Variants in TNKS observed in about 807,000 individuals in gnomAD.
TNKS encodes the protein tankyrase.
A neutral mutation model predicts 135.8 loss-of-function variants in TNKS; 72 were observed. The observed-to-expected ratio is 0.53, with a 90% CI of 0.44 to 0.64. The LOEUF (loss-of-function observed/expected upper bound fraction) is 0.64, where lower values mean the gene tolerates loss of function less well. Among genes scored for constraint, TNKS ranks in the 30% least tolerant of loss-of-function variants. The pLI, the probability that TNKS is intolerant of heterozygous loss-of-function variation, is 0.00. For synonymous variants in TNKS, 849 were observed against 649.3 expected, an observed-to-expected ratio of 1.31 and a Z score of -4.68; for missense variants, 1,769 against 1,674.0, an observed-to-expected ratio of 1.06 and a Z score of -0.99.
At chr8:9,569,751 G>A (rs1797689135) in intron 1 of TNKS, among the ~76,000 whole-genome samples, 2 of 152,224 alleles carry the variant, frequency 1.3e-5, no homozygotes, top group South Asian at 4.1e-4. Context: ...AAAGACAATT[G>A]GCATTCACTG....
intron 11 of TNKS, among the ~76,000 whole-genome samples, chr8:9,713,807 C>T (rs1585364301): frequency 1.3e-5 from 2 of 152,126 alleles, no homozygotes; most frequent in African/African-American, 4.8e-5. Flanking sequence ...TAAAAAACTC[C>T]CTGTAAGAAA....
chr8:9,666,307 A>C (rs1029885620), intron 3 of TNKS, among the ~76,000 whole-genome samples: 6 of 152,260 alleles, frequency 3.9e-5, no homozygotes, highest in Non-Finnish European at 7.3e-5. Context: ...GAAGTTTACA[A>C]TTACATAGGA....
At chr8:9,602,480 T>A (rs1367733454) in intron 2 of TNKS, among the ~76,000 whole-genome samples, 1 of 152,192 alleles carries the variant, frequency 6.6e-6, no homozygotes, top group Non-Finnish European at 1.5e-5. Flanking sequence ...CCTCTCTTGT[T>A]CCCAGGGTAT....
intron 1 of TNKS, among the ~76,000 whole-genome samples, chr8:9,572,265 A>G (rs1797782847): frequency 6.6e-6 from 1 of 152,210 alleles, no homozygotes; most frequent in Admixed American, 6.5e-5. Flanking sequence ...GTCTTTTCTC[A>G]TAGTTAAGGT....
At chr8:9,708,287 A>G (rs1804148696) in intron 8 of TNKS, 84 bp from the exon 9 acceptor site, 1 of 1,187,700 alleles carries the variant, frequency 8.4e-7, no homozygotes, top group Admixed American at 2.8e-5. Flanking sequence ...TAAAATAATA[A>G]TATTCCTACT....
intron 1 of TNKS, among the ~76,000 whole-genome samples, chr8:9,568,329 G>A (rs10101953): frequency 0.28 from 43,167 of 151,944 alleles, 6,458 homozygotes; most frequent in East Asian, 0.4. Flanking sequence ...CAAGATTATG[G>A]GAATGGAATG....
chr8:9,727,459 G>T (rs1375546651), intron 13 of TNKS, among the ~76,000 whole-genome samples: 2 of 152,128 alleles, frequency 1.3e-5, no homozygotes, highest in Non-Finnish European at 2.9e-5. Flanking sequence ...TACGAGACAA[G>T]GTCTTGCTGT....
At chr8:9,681,797 C>G (rs1377366314) in intron 5 of TNKS, among the ~76,000 whole-genome samples, 1 of 151,988 alleles carries the variant, frequency 6.6e-6, no homozygotes, top group African/African-American at 2.4e-5. Flanking sequence ...GCAAGCTTCC[C>G]CACTTTTTCT....
At chr8:9,568,083 C>T (rs1001482797) in intron 1 of TNKS, among the ~76,000 whole-genome samples, 1 of 152,182 alleles carries the variant, frequency 6.6e-6, no homozygotes, top group African/African-American at 2.4e-5. Context: ...ATACTCTTTT[C>T]ATCTTATCTG....
At chr8:9,726,399 A>G (rs986323040) in intron 12 of TNKS, among the ~76,000 whole-genome samples, 3 of 152,182 alleles carry the variant, frequency 2.0e-5, no homozygotes, top group Non-Finnish European at 2.9e-5. Context: ...AAATAAATAC[A>G]TACATATGTA....
chr8:9,772,751 G>T (rs914166295), intron 26 of TNKS, among the ~76,000 whole-genome samples: 2 of 151,218 alleles, frequency 1.3e-5, no homozygotes, highest in Admixed American at 1.3e-4. Context: ...TAGGGATAAA[G>T]GACCATGATG....
At position 9,770,124 on chromosome 8, in the gene TNKS, A is replaced by T; in HGVS notation, c.3759A>T (p.Arg1253Ser). 1 of 1,612,936 alleles carries T rather than the reference A, an allele frequency of 6.2e-7. No individual in the cohort carries two copies. The highest frequency in any genetic ancestry group is 8.5e-7 in the Non-Finnish European group (1 of 1,179,774). ...TCCTTAGACAAATGCTCTTCTGTAG[A>T]GTGACCCTTGGGAAATCCTTTCTGC... is the stretch of plus-strand genomic sequence containing the variant. Reference protein sequence around the residue: ...YICHRQMLFCRVTLGKSFLQF... With the variant: ...YICHRQMLFCSVTLGKSFLQF... The change falls in exon 26 of 27, where the codon AGA (arginine) becomes AGT (serine). Residue 1253 changes from arginine (R) to serine (S), a missense_variant. Physicochemically the swap from Arg to Ser is moderately radical, Grantham distance 110. Coordinates refer to ENST00000310430, the MANE Select transcript of TNKS (RefSeq NM_003747.3).
intron 2 of TNKS, among the ~76,000 whole-genome samples, chr8:9,581,517 CCT>C (rs1798166142): frequency 6.6e-6 from 1 of 152,150 alleles, no homozygotes; most frequent in African/African-American, 2.4e-5. Context: ...CTTATAACAT[CCT>C]CTCTCTGACT....
rs1815292003 is a variant in TNKS, at chr8:9,556,252, G to T, written c.313G>T (p.Val105Phe). The T allele has an allele frequency of 1.9e-6, 3 of 1,614,246 alleles. No individual in the cohort carries two copies. Among genetic ancestry groups the T allele is most frequent in the East Asian group, 2.2e-5 (1 of 44,886 alleles). ...TICTVAAAPV[V>F]PAVSTSSAAG... ...CTGTACCGTCGCCGCCGCTCCCGTG[G>T]TCCCAGCGGTTTCTACTTCATCTGC... Residue 105 changes from valine to phenylalanine, a missense_variant, in exon 1 of 27, where the codon GTC becomes TTC. By Grantham distance (50) the Val-to-Phe change is conservative (BLOSUM62 -1). This residue lies in a region of TNKS where 450 missense variants were observed against 304.9 expected (regional missense o/e 1.48). Coordinates refer to ENST00000310430, the MANE Select transcript of TNKS (RefSeq NM_003747.3).
chr8:9,655,009 G>C (rs1419074602), intron 3 of TNKS, among the ~76,000 whole-genome samples: 1 of 152,228 alleles, frequency 6.6e-6, no homozygotes, highest in Non-Finnish European at 1.5e-5. Context: ...AAAGAAAGGG[G>C]TGACAGACGG....
At position 9,706,803 on chromosome 8, in the gene TNKS, CA is replaced by C; in HGVS notation, c.1270-6del. The C allele has an allele frequency of 6.3e-7, 1 of 1,580,884 alleles. No individual in the cohort carries two copies. Among genetic ancestry groups the C allele is most frequent in the Non-Finnish European group, 8.5e-7 (1 of 1,170,636 alleles). On this transcript the variant is annotated splice_polypyrimidine_tract_variant and splice_region_variant and intron_variant, in intron 7 of 26. Transcript: ENST00000310430. The stretch of plus-strand genomic sequence containing the variant: ...TACTGACCTAAAATGTTTTTTTTCT[CA>C]ATTCAGCATGGAGCTTGTGTTAATG...
intron 1 of TNKS, among the ~76,000 whole-genome samples, chr8:9,571,504 C>A (rs192921977): frequency 1.3e-5 from 2 of 152,162 alleles, no homozygotes; most frequent in Non-Finnish European, 2.9e-5. Flanking sequence ...GTCGCCCAGG[C>A]TGGAGTGCAG....
At position 9,778,605 on chromosome 8, in the gene TNKS, T is replaced by C. The variant is rs899256966; in HGVS notation, c.*1869T>C. On this transcript the variant is annotated 3_prime_UTR_variant, in exon 27 of 27. Transcript: ENST00000310430. ...TTCAGTGACCCAAGCTGGGTGTTTGTGTCTTGGCTACTTGTTTAATAGCAC... is the reference window on the plus strand; with the variant it reads ...TTCAGTGACCCAAGCTGGGTGTTTGCGTCTTGGCTACTTGTTTAATAGCAC... The C allele has an allele frequency of 1.3e-5, 2 of 152,662 alleles. No homozygotes were observed. Among genetic ancestry groups the C allele is most frequent in the African/African-American group, 4.8e-5 (2 of 41,468 alleles). 9.5% of individuals were successfully genotyped at this position (152,662 alleles called of 1,614,324 possible).
intron 17 of TNKS, chr8:9,741,076 G>C (rs1805934029): frequency 6.6e-6 from 1 of 152,142 alleles, no homozygotes; most frequent in Non-Finnish European, 1.5e-5. Flanking sequence ...CTCCCGAAGT[G>C]CTGGGATTAC....
Sources: gnomAD v4.1 joint callset for allele counts (sites outside exome capture counted in the v4.1 genomes callset) on GRCh38, gnomAD v4.1.1 for gene constraint, gnomAD v4.1.1 regional missense constraint, MANE v1.5 for transcripts, NCBI Gene and HGNC (gene_info 2026-07-23, HGNC 2026-07-21) for gene names.